Variants in PRR7 observed in about 807,000 individuals in gnomAD.
PRR7 encodes proline-rich protein 7.
A neutral mutation model predicts 18.5 loss-of-function variants in PRR7; 8 were observed. The observed-to-expected ratio is 0.43, with a 90% CI of 0.25 to 0.78. The LOEUF (loss-of-function observed/expected upper bound fraction) is 0.78. PRR7 is among the 30% of genes least tolerant of loss of function. The pLI, the probability that PRR7 is intolerant of heterozygous loss-of-function variation, is 0.22. For missense variants in PRR7, 396 were observed against 403.1 expected, an observed-to-expected ratio of 0.98 and a Z score of 0.15; for synonymous variants, 221 against 187.7, an observed-to-expected ratio of 1.18 and a Z score of -1.45.
At position 177,455,739 on chromosome 5, in the gene PRR7, C is replaced by G. The variant is rs1355830739; in HGVS notation, c.443C>G (p.Ser148Cys). The change falls in exon 4 of 4, where the codon TCC becomes TGC. Residue 148 changes from serine to cysteine, a missense_variant. By Grantham distance (112) the Ser-to-Cys change is moderately radical (BLOSUM62 -1). Coordinates refer to ENST00000323249, the MANE Select transcript of PRR7 (RefSeq NM_030567.5). The surrounding 1 kb of genome is among the most constrained non-coding windows in gnomAD (Gnocchi z 6.9). Reference protein sequence around the residue: ...SYPRQAESDMSKPPCYEEAVL... With the variant: ...SYPRQAESDMCKPPCYEEAVL... ...CACTCCGCAGCGGAATCGGACATGT[C>G]CAAACCACCGTGTTACGAAGAGGCG... 6.2e-7 allele frequency: 1 copy of G among 1,602,900 alleles called. No homozygotes were observed. The highest frequency in any genetic ancestry group is 8.5e-7 in the Non-Finnish European group (1 of 1,174,328).
rs776425410 is a variant in PRR7, at chr5:177,455,239, C to T, written c.172C>T (p.Pro58Ser). The T allele has an allele frequency of 6.4e-7, 1 of 1,559,158 alleles. No individual in the cohort carries two copies. Among genetic ancestry groups the T allele is most frequent in the Admixed American group, 1.8e-5 (1 of 54,894 alleles). Residue 58 changes from proline to serine, a missense_variant, in exon 3 of 4, where the codon CCC becomes TCC. Transcript: ENST00000323249. This position sits in a 1 kb window ranked among gnomAD's most constrained non-coding sequence, Gnocchi z 6.9. The part of the protein sequence containing the change: ...EQNLRALELE[P>S]LELEGSLAGS... ...GAACCTGCGCGCCCTAGAGCTGGAG[C>T]CCCTCGAACTCGAGGGCAGTCTGGC...
At chr5:177,451,021 G>A (rs1174005533) in intron 1 of PRR7, among the ~76,000 whole-genome samples, 1 of 152,184 alleles carries the variant, frequency 6.6e-6, no homozygotes, top group East Asian at 1.9e-4. Context: ...GCATGGTGAT[G>A]GGGGCCAGGG....
chr5:177,455,687 G>A lies in PRR7; in HGVS notation c.428-37G>A. 6.6e-7 allele frequency: 1 copy of A among 1,515,910 alleles called. No individual in the cohort carries two copies. Among genetic ancestry groups the A allele is most frequent in the Admixed American group, 2.0e-5 (1 of 50,286 alleles). The allele number at this position is 1,515,910 out of a possible 1,614,324, so 93.9% of individuals were successfully genotyped here. ...GGCCTCTGCGAGAGGCTGGGAACCG[G>A]CGGCCTCACCTCCTCCGACCGCCTC... On this transcript the variant is annotated intron_variant, in intron 3 of 3. Coordinates refer to ENST00000323249, the MANE Select transcript of PRR7 (RefSeq NM_030567.5). This position sits in a 1 kb window ranked among gnomAD's most constrained non-coding sequence, Gnocchi z 6.9.
chr5:177,453,766 A>G (rs993168967), intron 1 of PRR7, among the ~76,000 whole-genome samples, 190 bp from the exon 2 acceptor site: 3 of 152,194 alleles, frequency 2.0e-5, no homozygotes, highest in South Asian at 2.1e-4. Flanking sequence ...CCTGCCATCT[A>G]CACAGCCAGT....
chr5:177,455,755 C>G lies in PRR7; in HGVS notation c.459C>G (p.Tyr153Ter). The G allele has an allele frequency of 6.2e-7, 1 of 1,607,862 alleles. No homozygotes were observed. Among genetic ancestry groups the G allele is most frequent in the Non-Finnish European group, 8.5e-7 (1 of 1,177,450 alleles). The change falls in exon 4 of 4, where the codon TAC (tyrosine) becomes TAG (stop). Residue 153 changes from tyrosine to a stop codon, truncating the protein, a stop_gained. Coordinates refer to ENST00000323249, the MANE Select transcript of PRR7 (RefSeq NM_030567.5). LOFTEE classifies it high-confidence loss of function. The surrounding 1 kb of genome is among the most constrained non-coding windows in gnomAD (Gnocchi z 6.9). The stretch of plus-strand genomic sequence containing the variant: ...CGGACATGTCCAAACCACCGTGTTA[C>G]GAAGAGGCGGTGCTGATGGCAGAGC... Reference protein sequence around the residue: ...AESDMSKPPCYEEAVLMAEPP... With the variant: ...AESDMSKPPC
rs1280884742 is a variant in PRR7, at chr5:177,450,353, C to G, written c.-325+3393C>G. Among the ~76,000 whole-genome samples, 1 of 152,174 alleles carries G rather than the reference C, an allele frequency of 6.6e-6. No homozygotes were observed. The highest frequency in any genetic ancestry group is 1.5e-5 in the Non-Finnish European group (1 of 68,026). ...GGTGTGTGCCTCCGTACAGCCTTTT[C>G]CTTTGATTCACGTAGACACATGGGG... is the stretch of plus-strand genomic sequence containing the variant. On this transcript the variant is annotated intron_variant, in intron 1 of 3. Transcript: ENST00000323249. The surrounding 1 kb of genome is among the most constrained non-coding windows in gnomAD (Gnocchi z 6.6).
At chr5:177,452,511 T>C (rs1048345563) in intron 1 of PRR7, among the ~76,000 whole-genome samples, 1 of 152,230 alleles carries the variant, frequency 6.6e-6, no homozygotes, top group Non-Finnish European at 1.5e-5. Context: ...GAGAGTCTAC[T>C]GAGCACCTGG....
chr5:177,455,951 G>A lies in PRR7; in HGVS notation c.655G>A (p.Ala219Thr). The A allele has an allele frequency of 2.5e-6, 4 of 1,595,466 alleles. No homozygotes were observed. The highest frequency in any genetic ancestry group is 2.2e-5 in the South Asian group (2 of 89,734). Residue 219 changes from alanine to threonine, a missense_variant, in exon 4 of 4, where the codon GCC becomes ACC. Around this residue, in one of 2 missense-constraint regions of PRR7, gnomAD observed 383 missense variants for 372.6 expected, o/e 1.03. Coordinates refer to ENST00000323249, the MANE Select transcript of PRR7 (RefSeq NM_030567.5). The surrounding 1 kb of genome is among the most constrained non-coding windows in gnomAD (Gnocchi z 6.9). Reference protein sequence around the residue: ...GYTSALHLPSAPRPAPPCPAL... With the variant: ...GYTSALHLPSTPRPAPPCPAL... ...CACCTCGGCGCTGCACCTGCCCAGC[G>A]CCCCTCGGCCCGCGCCGCCCTGCCC...
At position 177,446,899 on chromosome 5, in the gene PRR7, C is replaced by T. The variant is rs1204426954; in HGVS notation, c.-386C>T. 9 of 151,614 alleles carry T rather than the reference C, an allele frequency of 5.9e-5. No homozygotes were observed. 9.4% of individuals were successfully genotyped at this position (151,614 alleles called of 1,614,324 possible). A position where few individuals can be genotyped will look rare whatever the true frequency, so the allele number is the denominator to read the frequency against. On this transcript the variant is annotated 5_prime_UTR_variant, in exon 1 of 4. Coordinates refer to ENST00000323249, the MANE Select transcript of PRR7 (RefSeq NM_030567.5). The surrounding 1 kb of genome is among the most constrained non-coding windows in gnomAD (Gnocchi z 5.3). Reference sequence around the variant, plus strand: ...CCCCCCGCAGGCCCGGGGCTCTGTCCGCTGGGCCCGCGCTGCTCGCCCCGA... The same window carrying T: ...CCCCCCGCAGGCCCGGGGCTCTGTCTGCTGGGCCCGCGCTGCTCGCCCCGA...
At position 177,455,420 on chromosome 5, in the gene PRR7, A is replaced by T; in HGVS notation, c.353A>T (p.His118Leu). 6.6e-7 allele frequency: 1 copy of T among 1,504,512 alleles called. No homozygotes were observed. The highest frequency in any genetic ancestry group is 8.8e-7 in the Non-Finnish European group (1 of 1,134,100). 93.2% of individuals were successfully genotyped at this position (1,504,512 alleles called of 1,614,324 possible). A position where few individuals can be genotyped will look rare whatever the true frequency, so the allele number is the denominator to read the frequency against. The change falls in exon 3 of 4, where the codon CAC becomes CTC. Residue 118 changes from histidine (H) to leucine (L), a missense_variant. Physicochemically the swap from His to Leu is moderately conservative, Grantham distance 99. Transcript: ENST00000323249. The surrounding 1 kb of genome is among the most constrained non-coding windows in gnomAD (Gnocchi z 6.9). ...CACGCGCACGCGCACCCACACCCGC[A>T]CCACCACGCGCTCCCGCACCCGCCG... ...QPHAHAHPHP[H>L]HHALPHPPPT...
At position 177,454,578 on chromosome 5, in the gene PRR7, C is replaced by T. The variant is rs1457517035; in HGVS notation, c.-239-251C>T. ...AGCTGGAGTCCGTCCTTCGCGCGCC[C>T]CCTGCTGGCCCGCCTCGGCTCCCCT... On this transcript the variant is annotated intron_variant, in intron 2 of 3. Transcript: ENST00000323249. This position sits in a 1 kb window ranked among gnomAD's most constrained non-coding sequence, Gnocchi z 4.7. Among the ~76,000 whole-genome samples, 41 of 152,146 alleles carry T rather than the reference C, an allele frequency of 2.7e-4. 2 individuals carry two copies. Among genetic ancestry groups the T allele is most frequent in the Admixed American group, 2.7e-3 (41 of 15,284 alleles).
rs752133306 is a variant in PRR7, at chr5:177,455,703, C to T, written c.428-21C>T. 7 of 1,550,672 alleles carry T rather than the reference C, an allele frequency of 4.5e-6. No individual in the cohort carries two copies. The highest frequency in any genetic ancestry group is 6.1e-6 in the Non-Finnish European group (7 of 1,145,406). ...TGGGAACCGGCGGCCTCACCTCCTCCGACCGCCTCCCACTCCGCAGCGGAA... is the reference window on the plus strand; with the variant it reads ...TGGGAACCGGCGGCCTCACCTCCTCTGACCGCCTCCCACTCCGCAGCGGAA... On this transcript the variant is annotated intron_variant, in intron 3 of 3. Transcript: ENST00000323249. The surrounding 1 kb of genome is among the most constrained non-coding windows in gnomAD (Gnocchi z 6.9).
Position 177,455,148 on chromosome 5 carries a change from C to G in PRR7, c.81C>G (p.Leu27=). 1 of 1,571,394 alleles carries G rather than the reference C, an allele frequency of 6.4e-7. No homozygotes were observed. The highest frequency in any genetic ancestry group is 8.6e-7 in the Non-Finnish European group (1 of 1,162,936). The stretch of plus-strand genomic sequence containing the variant: ...TCATCTGGGGTCTCATCGTCCTGCT[C>G]TGCTGCTTCTGCAGCTTCCTGCGCC... ...FWLIWGLIVL[L]CCFCSFLRRR... is the part of the protein sequence containing the mutation. Residue 27 remains leucine (L), a synonymous_variant, in exon 3 of 4, where the codon CTC becomes CTG. Coordinates refer to ENST00000323249, the MANE Select transcript of PRR7 (RefSeq NM_030567.5). The surrounding 1 kb of genome is among the most constrained non-coding windows in gnomAD (Gnocchi z 6.9).
intron 1 of PRR7, among the ~76,000 whole-genome samples, chr5:177,452,210 C>T (rs34832217): frequency 0.16 from 24,717 of 152,260 alleles, 2,596 homozygotes; most frequent in Non-Finnish European, 0.24. Context: ...TGCAGGGCAT[C>T]GCTCCGAGCA....
At position 177,455,503 on chromosome 5, in the gene PRR7, C is replaced by A; in HGVS notation, c.427+9C>A. 6.8e-7 allele frequency: 1 copy of A among 1,475,734 alleles called. No individual in the cohort carries two copies. The highest frequency in any genetic ancestry group is 8.9e-7 in the Non-Finnish European group (1 of 1,125,116). 91.4% of individuals were successfully genotyped at this position (1,475,734 alleles called of 1,614,324 possible). ...GAGCTACCCGCGCCAAGGTGAGTAC[C>A]GACCTCCGCCAGGGGGCGATCCGGG... On this transcript the variant is annotated intron_variant, in intron 3 of 3. Transcript: ENST00000323249. This position sits in a 1 kb window ranked among gnomAD's most constrained non-coding sequence, Gnocchi z 6.9.
chr5:177,449,124 A>G lies in PRR7; in HGVS notation c.-325+2164A>G, dbSNP rs1270765040. On this transcript the variant is annotated intron_variant, in intron 1 of 3. Coordinates refer to ENST00000323249, the MANE Select transcript of PRR7 (RefSeq NM_030567.5). This position sits in a 1 kb window ranked among gnomAD's most constrained non-coding sequence, Gnocchi z 4.2. ...TATATAAAATCTCCTGGATTTTTAA[A>G]TGTTGGCAATTAATCAGAATGTTTT... Among the ~76,000 whole-genome samples, 1 of 152,392 alleles carries G rather than the reference A, an allele frequency of 6.6e-6. No individual in the cohort carries two copies. Among genetic ancestry groups the G allele is most frequent in the African/African-American group, 2.4e-5 (1 of 41,596 alleles).
intron 1 of PRR7, among the ~76,000 whole-genome samples, chr5:177,447,368 A>G (rs1379125424): frequency 6.6e-6 from 1 of 151,996 alleles, no homozygotes; most frequent in Non-Finnish European, 1.5e-5. Flanking sequence ...GCCTGCCTCC[A>G]CAGCCCGTCG....
intron 1 of PRR7, among the ~76,000 whole-genome samples, chr5:177,451,368 T>A (rs567442342): frequency 5.0e-4 from 74 of 147,016 alleles, no homozygotes; most frequent in African/African-American, 1.6e-3. Context: ...GGGAGCACCC[T>A]GTAGCCTGCT....
At chr5:177,448,916 CT>C (rs1756045568) in intron 1 of PRR7, among the ~76,000 whole-genome samples, 2 of 152,228 alleles carry the variant, frequency 1.3e-5, no homozygotes, top group Non-Finnish European at 2.9e-5. Context: ...CTGCTGCAGC[CT>C]GTGGGTGCTC....
Sources: gnomAD v4.1 joint callset for allele counts (sites outside exome capture counted in the v4.1 genomes callset) on GRCh38, gnomAD v4.1.1 for gene constraint, gnomAD v4.1.1 regional missense constraint, Gnocchi (gnomAD v3.1) non-coding constraint, MANE v1.5 for transcripts, NCBI Gene and HGNC (gene_info 2026-07-23, HGNC 2026-07-21) for gene names.